Variants in PDE10A observed in about 807,000 individuals in gnomAD.
PDE10A encodes phosphodiesterase 10A, also known as cAMP and cAMP-inhibited cGMP 3',5'-cyclic phosphodiesterase 10A.
Under a neutral mutation model 97.7 loss-of-function variants are expected in PDE10A, and 39 were observed. That is an observed-to-expected ratio of 0.40 (90% confidence interval 0.31 to 0.52). The LOEUF (loss-of-function observed/expected upper bound fraction) is 0.52. PDE10A is among the 20% of genes least tolerant of loss of function. PDE10A has a pLI of 0.56. For missense variants in PDE10A, 731 were observed against 1,047.8 expected (o/e 0.70, Z 4.17); for synonymous variants, 371 against 376.8 (o/e 0.98, Z 0.18).
chr6:165,343,173 T>G (rs1405552477), intron 19 of PDE10A, among the ~76,000 whole-genome samples: 1 of 152,208 alleles, frequency 6.6e-6, no homozygotes, highest in African/African-American at 2.4e-5. Context: ...CTAAACTCTT[T>G]CAGTTGAGCT....
chr6:165,651,462 C>T (rs1242867372), intron 1 of PDE10A, among the ~76,000 whole-genome samples: 1 of 152,168 alleles, frequency 6.6e-6, no homozygotes, highest in Non-Finnish European at 1.5e-5. Flanking sequence ...GGCCACAATT[C>T]AAGAACTACA....
chr6:165,800,244 G>A (rs1031467561), intron 1 of PDE10A, among the ~76,000 whole-genome samples: 1 of 152,180 alleles, frequency 6.6e-6, no homozygotes, highest in Admixed American at 6.5e-5. Context: ...GAGCTTAGGT[G>A]TTCTTTTCAT....
rs1789009694 is a variant in PDE10A, at chr6:165,639,084, G to C, written c.865+22863C>G. 4.0e-5 allele frequency among the ~76,000 whole-genome samples: 6 copies of C among 149,254 alleles called. No individual in the cohort carries two copies. In the Admixed American group the frequency reaches 4.1e-4, roughly 10 times the overall value. On this transcript the variant is annotated intron_variant, in intron 1 of 21. Coordinates refer to ENST00000539869, the MANE Select transcript of PDE10A (RefSeq NM_001385079.1). ...GGAGACAGAGAGAGAGAGAGAGGAA[G>C]GCAGGAAGGAAGGAAAGCAGGCAGG... is the stretch of plus-strand genomic sequence containing the variant.
chr6:165,392,656 G>A lies in PDE10A; in HGVS notation c.2444C>T (p.Thr815Ile). The A allele has an allele frequency of 6.2e-7, 1 of 1,613,838 alleles. No homozygotes were observed. Among genetic ancestry groups the A allele is most frequent in the Non-Finnish European group, 8.5e-7 (1 of 1,179,736 alleles). ...AGAGTGCACACCCACCTCAAGGTCT[G>A]TGAAAAGCGTGTGATTGTTCTGAAG... is the stretch of plus-strand genomic sequence containing the variant. ...AILQNNHTLF[T>I]DLERKGLLIA... The change falls in exon 16 of 22, where the codon ACA (threonine) becomes ATA (isoleucine). Residue 815 changes from threonine to isoleucine, a missense_variant. This residue lies in a region of PDE10A where 131 missense variants were observed against 187.4 expected (regional missense o/e 0.70). Transcript: ENST00000539869.
rs574691000 is a variant in PDE10A, at chr6:165,741,527, G to A, written c.-614-197959C>T. ...TTAAATTATACAATTAATCTCAAGA[G>A]TGATTTGACTATTAGTAGTAAAGTT... is the stretch of plus-strand genomic sequence containing the variant. On this transcript the variant is annotated intron_variant, in intron 1 of 19. Coordinates refer to the PDE10A transcript ENST00000366882. Among the ~76,000 whole-genome samples the A allele has an allele frequency of 1.4e-4, 21 of 152,274 alleles. No individual in the cohort carries two copies. In the South Asian group the frequency reaches 4.3e-3, roughly 32 times the overall value.
intron 1 of PDE10A, among the ~76,000 whole-genome samples, chr6:165,871,882 A>C (rs1010487900): frequency 3.3e-5 from 5 of 152,210 alleles, no homozygotes; most frequent in Non-Finnish European, 7.3e-5. Context: ...GGGAAAGGGC[A>C]AGAGGAGATA....
rs1019095046 is a variant in PDE10A at position 165,711,366 on chromosome 6, C to G, written c.-614-167798G>C. On this transcript the variant is annotated intron_variant, in intron 1 of 19. Transcript: ENST00000366882. The surrounding 1 kb of genome is among the most constrained non-coding windows in gnomAD (Gnocchi z 4.5). ...CTAAAGGCAGCTGTGGTCTGGATGC[C>G]GTGCTGCACGTGCAAACACAGGTCC... 5.7e-4 allele frequency among the ~76,000 whole-genome samples: 86 copies of G among 152,084 alleles called. No individual in the cohort carries two copies. Among genetic ancestry groups the G allele is most frequent in the Non-Finnish European group, 6.6e-4 (45 of 68,028 alleles).
At chr6:165,551,904 G>C (rs1784035411) in intron 1 of PDE10A, among the ~76,000 whole-genome samples, 1 of 152,178 alleles carries the variant, frequency 6.6e-6, no homozygotes, top group African/African-American at 2.4e-5. Flanking sequence ...AAAGGGAGCA[G>C]TCAGTAGCAA....
chr6:165,572,815 C>T (rs959531779), intron 1 of PDE10A, among the ~76,000 whole-genome samples: 4 of 152,122 alleles, frequency 2.6e-5, no homozygotes, highest in South Asian at 2.1e-4. Flanking sequence ...CCAGCGTGGG[C>T]GACAGAATGA....
intron 1 of PDE10A, among the ~76,000 whole-genome samples, chr6:165,554,637 T>A (rs537659393): frequency 1.3e-5 from 2 of 152,242 alleles, no homozygotes; most frequent in East Asian, 3.9e-4. Flanking sequence ...TGAGCTACCA[T>A]ATGATCCAGC....
At chr6:165,966,467 C>T (rs551019935) in intron 1 of PDE10A, among the ~76,000 whole-genome samples, 29 of 152,304 alleles carry the variant, frequency 1.9e-4, no homozygotes, top group South Asian at 6.2e-4. Flanking sequence ...GGGCCCTGGA[C>T]GTGAGGGACA....
chr6:165,529,554 C>T (rs1782650133), intron 2 of PDE10A, among the ~76,000 whole-genome samples: 1 of 152,176 alleles, frequency 6.6e-6, no homozygotes, highest in African/African-American at 2.4e-5. Context: ...ACCACATGAC[C>T]AGTGGCAGAA....
At chr6:165,883,756 T>C (rs922770131) in intron 1 of PDE10A, among the ~76,000 whole-genome samples, 1 of 152,044 alleles carries the variant, frequency 6.6e-6, no homozygotes, top group Non-Finnish European at 1.5e-5. Context: ...AGGAGGTGTG[T>C]GATCCCAGCA....
chr6:165,732,068 T>C (rs1413608134), intron 1 of PDE10A, among the ~76,000 whole-genome samples: 1 of 152,204 alleles, frequency 6.6e-6, no homozygotes, highest in African/African-American at 2.4e-5. Flanking sequence ...TCAGAATGAA[T>C]TAACGTGTAC....
chr6:165,617,045 A>T (rs1267938097), intron 1 of PDE10A, among the ~76,000 whole-genome samples: 1 of 152,246 alleles, frequency 6.6e-6, no homozygotes, highest in Non-Finnish European at 1.5e-5. Flanking sequence ...AGATATTCTC[A>T]ATAATGAAAG....
At chr6:165,752,703 A>T (rs1348058934) in intron 1 of PDE10A, among the ~76,000 whole-genome samples, 4 of 152,186 alleles carry the variant, frequency 2.6e-5, no homozygotes, top group Non-Finnish European at 5.9e-5. Flanking sequence ...TCTGTTCATG[A>T]AACACCATGA....
At chr6:165,438,389 T>C (rs991558326) in intron 5 of PDE10A, among the ~76,000 whole-genome samples, 4 of 152,146 alleles carry the variant, frequency 2.6e-5, no homozygotes, top group Non-Finnish European at 5.9e-5. Context: ...GATTTCTCCA[T>C]GTTGGTCAGG....
intron 1 of PDE10A, among the ~76,000 whole-genome samples, chr6:165,692,034 A>C (rs185467700): frequency 6.6e-6 from 1 of 152,128 alleles, no homozygotes; most frequent in East Asian, 1.9e-4. Flanking sequence ...GTAGGCCCCT[A>C]TCTCTTTGTC....
At chr6:165,970,889 G>A (rs1338484232) in intron 1 of PDE10A, among the ~76,000 whole-genome samples, 1 of 152,228 alleles carries the variant, frequency 6.6e-6, no homozygotes, top group East Asian at 1.9e-4. Context: ...ACTCACACCT[G>A]TAATCCCAGC....
Sources: gnomAD v4.1 joint callset for allele counts (sites outside exome capture counted in the v4.1 genomes callset) on GRCh38, gnomAD v4.1.1 for gene constraint, gnomAD v4.1.1 regional missense constraint, Gnocchi (gnomAD v3.1) non-coding constraint, MANE v1.5 for transcripts, NCBI Gene and HGNC (gene_info 2026-07-23, HGNC 2026-07-21) for gene names.